Variants in VEPH1 observed in about 807,000 individuals in gnomAD.
VEPH1 encodes ventricular zone-expressed PH domain-containing protein homolog 1.
Under a neutral mutation model 85.2 loss-of-function variants are expected in VEPH1, and 80 were observed. The ratio of observed to expected loss-of-function variants is 0.94; its 90% CI spans 0.78 to 1.13. VEPH1 has a LOEUF of 1.13. VEPH1 is among the 50% of genes most tolerant of loss of function. VEPH1 has a pLI of 0.00. For missense variants in VEPH1, 955 were observed against 980.5 expected (o/e 0.97, Z 0.35); for synonymous variants, 297 against 348.0 (o/e 0.85, Z 1.63).
intron 6 of VEPH1, among the ~76,000 whole-genome samples, chr3:157,388,126 A>T (rs549618994): frequency 1.3e-5 from 2 of 152,170 alleles, no homozygotes; most frequent in Non-Finnish European, 2.9e-5. Flanking sequence ...GTCTCTACAC[A>T]CATCAAAGAT....
chr3:157,368,580 T>C (rs1727007984), intron 7 of VEPH1, among the ~76,000 whole-genome samples: 1 of 152,080 alleles, frequency 6.6e-6, no homozygotes, highest in African/African-American at 2.4e-5. Context: ...CAAGCTCTGC[T>C]TCGCGGGTTC....
intron 4 of VEPH1, among the ~76,000 whole-genome samples, chr3:157,451,691 G>A (rs1299427346): frequency 6.6e-6 from 1 of 152,064 alleles, no homozygotes; most frequent in African/African-American, 2.4e-5. Context: ...TATGATCAAG[G>A]AAATAATAGC....
intron 11 of VEPH1, among the ~76,000 whole-genome samples, chr3:157,291,934 T>A (rs950067092): frequency 6.6e-6 from 1 of 152,136 alleles, no homozygotes; most frequent in Non-Finnish European, 1.5e-5. Flanking sequence ...AAAAAATCTA[T>A]CTCTCTCTCT....
In VEPH1 at chr3:157,494,323, C is replaced by T. The variant is rs138548860; in HGVS notation, c.138+889G>A. On this transcript the variant is annotated intron_variant, in intron 2 of 13. Coordinates refer to ENST00000362010, the MANE Select transcript of VEPH1 (RefSeq NM_001167912.2). ...TTGAGTCCCACCACTTTCATCTTTCCAATGAGTGTCTGTGCCAAGTGTTGG... is the reference window on the plus strand; with the variant it reads ...TTGAGTCCCACCACTTTCATCTTTCTAATGAGTGTCTGTGCCAAGTGTTGG... Among the ~76,000 whole-genome samples the T allele has an allele frequency of 7.3e-3, 1,104 of 151,140 alleles. 19 individuals are homozygous for T. The highest frequency in any genetic ancestry group is 0.026 in the African/African-American group (1,053 of 40,434).
In VEPH1 at chr3:157,325,293, T is replaced by A. The variant is rs117285304; in HGVS notation, c.1736-8092A>T. On this transcript the variant is annotated intron_variant, in intron 9 of 13. Transcript: ENST00000362010. ...ATTTTCTCCCATTCTGTAGATCATC[T>A]GTTCACTGTGATGATAGTTTCTTTT... 2.8e-3 allele frequency among the ~76,000 whole-genome samples: 420 copies of A among 152,300 alleles called. 5 individuals carry two copies. The East Asian group carries it at 0.043, about 16-fold the overall frequency.
At chr3:157,278,831 G>A (rs1715721510) in intron 12 of VEPH1, among the ~76,000 whole-genome samples, 1 of 152,094 alleles carries the variant, frequency 6.6e-6, no homozygotes, top group African/African-American at 2.4e-5. Context: ...CTGAGCTAAG[G>A]AATGCTGGAA....
intron 2 of VEPH1, among the ~76,000 whole-genome samples, chr3:157,471,129 A>G (rs576405769): frequency 2.0e-5 from 3 of 152,334 alleles, no homozygotes; most frequent in African/African-American, 4.8e-5. Flanking sequence ...AAACAGACCC[A>G]CTGCATTAAT....
intron 4 of VEPH1, among the ~76,000 whole-genome samples, chr3:157,457,753 G>A (rs112727023): frequency 0.022 from 3,380 of 152,256 alleles, 129 homozygotes; most frequent in African/African-American, 0.077. Flanking sequence ...TTGATGTGCT[G>A]CTGGATTTGT....
chr3:157,487,871 A>G (rs914624651), intron 2 of VEPH1, among the ~76,000 whole-genome samples: 1 of 152,152 alleles, frequency 6.6e-6, no homozygotes, highest in East Asian at 1.9e-4. Context: ...AAAAACAGGA[A>G]TAAATGGGAA....
At chr3:157,295,432 G>GA (rs1427005783) in intron 11 of VEPH1, among the ~76,000 whole-genome samples, 1 of 148,166 alleles carries the variant, frequency 6.7e-6, no homozygotes, top group East Asian at 2.0e-4. Context: ...ACCCTGTCTT[G>GA]AAAAAATTAA....
chr3:157,458,956 T>C (rs894745298), intron 4 of VEPH1, among the ~76,000 whole-genome samples: 2 of 152,164 alleles, frequency 1.3e-5, no homozygotes, highest in Admixed American at 6.5e-5. Context: ...TATTTCTGGG[T>C]TCTCTATTCT....
chr3:157,318,211 C>T (rs1427507236), intron 9 of VEPH1, among the ~76,000 whole-genome samples: 2 of 152,094 alleles, frequency 1.3e-5, no homozygotes, highest in Admixed American at 6.5e-5. Context: ...ATGTTTTAGG[C>T]GCTACTATAC....
chr3:157,460,133 T>C, intron 4 of VEPH1, 48 bp downstream of exon 4: 1 of 1,614,132 alleles, frequency 6.2e-7, no homozygotes, highest in South Asian at 1.1e-5. Context: ...GAAAATACTT[T>C]TAAATATCTC....
chr3:157,442,885 C>T, intron 4 of VEPH1: 2 of 1,614,096 alleles, frequency 1.2e-6, no homozygotes, highest in African/African-American at 1.3e-5. Flanking sequence ...ATAAGAGAGA[C>T]CGGAGGAGCA....
chr3:157,445,239 A>T (rs903335851), intron 4 of VEPH1, among the ~76,000 whole-genome samples: 3 of 152,192 alleles, frequency 2.0e-5, no homozygotes, highest in African/African-American at 4.8e-5. Context: ...GACTTCTTTT[A>T]CGTGAGAGAA....
At chr3:157,436,005 G>C (rs1453625620) in intron 4 of VEPH1, among the ~76,000 whole-genome samples, 1 of 152,166 alleles carries the variant, frequency 6.6e-6, no homozygotes, top group Non-Finnish European at 1.5e-5. Flanking sequence ...GGCCGGGTGA[G>C]GTGGCTCACG....
At position 157,481,057 on chromosome 3, in the gene VEPH1, T is replaced by C. The variant is rs75210582; in HGVS notation, c.139-10528A>G. On this transcript the variant is annotated intron_variant, in intron 2 of 13. Coordinates refer to ENST00000362010, the MANE Select transcript of VEPH1 (RefSeq NM_001167912.2). The stretch of plus-strand genomic sequence containing the variant: ...GCATTTCTCTGATGACTGCTAAAGT[T>C]GAGCATTTTTTCATGTTTGTCAGCT... Among the ~76,000 whole-genome samples, 4 of 152,268 alleles carry C rather than the reference T, an allele frequency of 2.6e-5. No individual in the cohort carries two copies. In the South Asian group the frequency reaches 8.3e-4, roughly 32 times the overall value.
At chr3:157,419,529 C>A (rs1287698007) in intron 5 of VEPH1, among the ~76,000 whole-genome samples, 1 of 152,100 alleles carries the variant, frequency 6.6e-6, no homozygotes, top group Non-Finnish European at 1.5e-5. Context: ...ATAGCCACTA[C>A]TCAAAAGAAG....
At chr3:157,437,138 C>T (rs1477173007) in intron 4 of VEPH1, 1 of 1,543,116 alleles carries the variant, frequency 6.5e-7, no homozygotes, top group African/African-American at 1.4e-5. Context: ...CACACATATA[C>T]TTTGTGGCCA....
Sources: gnomAD v4.1 joint callset for allele counts (sites outside exome capture counted in the v4.1 genomes callset) on GRCh38, gnomAD v4.1.1 for gene constraint, MANE v1.5 for transcripts, NCBI Gene and HGNC (gene_info 2026-07-23, HGNC 2026-07-21) for gene names.